The following CERS6 variants were observed in gnomAD, a reference collection of about 807,000 sequenced individuals.
CERS6 encodes the protein LAG1 homolog, ceramide synthase 6.
A neutral mutation model predicts 56.8 loss-of-function variants in CERS6; 26 were observed. That is an observed-to-expected ratio of 0.46 (90% CI 0.34 to 0.63). The LOEUF (loss-of-function observed/expected upper bound fraction) is 0.63. Among genes scored for constraint, CERS6 ranks in the 30% least tolerant of loss-of-function variants. CERS6 has a pLI of 0.01. For synonymous variants in CERS6, 164 were observed against 173.3 expected, an observed-to-expected ratio of 0.95 and a Z score of 0.42; for missense variants, 415 against 467.5, an observed-to-expected ratio of 0.89 and a Z score of 1.04.
chr2:168,707,926 A>G (rs1353212580), intron 6 of CERS6, among the ~76,000 whole-genome samples: 5 of 152,180 alleles, frequency 3.3e-5, no homozygotes, highest in Non-Finnish European at 5.9e-5. Context: ...ACAAAGCAGC[A>G]AATTATTCTG....
intron 1 of CERS6, among the ~76,000 whole-genome samples, chr2:168,459,128 C>A (rs76488561): frequency 0.055 from 8,438 of 152,224 alleles, 504 homozygotes; most frequent in African/African-American, 0.15. Context: ...AGGAATAATT[C>A]TCTCAAGATT....
chr2:168,743,071 G>A (rs1324728088), intron 8 of CERS6, among the ~76,000 whole-genome samples: 1 of 152,008 alleles, frequency 6.6e-6, no homozygotes, highest in Non-Finnish European at 1.5e-5. Context: ...TTGCTCCAGA[G>A]CCTCACACTA....
chr2:168,695,639 A>T (rs1186198334), intron 6 of CERS6, among the ~76,000 whole-genome samples: 2 of 152,080 alleles, frequency 1.3e-5, no homozygotes, highest in African/African-American at 4.8e-5. Context: ...TTTTTCTGTG[A>T]CACCATATTT....
chr2:168,618,889 T>G (rs1388812255), intron 3 of CERS6, among the ~76,000 whole-genome samples: 2 of 152,056 alleles, frequency 1.3e-5, no homozygotes, highest in Non-Finnish European at 2.9e-5. Context: ...TCCTAAAATT[T>G]ATATGGAACC....
chr2:168,678,249 G>A lies in CERS6; in HGVS notation c.466-12785G>A, dbSNP rs562923318. 4.6e-5 allele frequency among the ~76,000 whole-genome samples: 7 copies of A among 152,234 alleles called. No homozygotes were observed. The South Asian group carries it at 1.5e-3, about 32-fold the overall frequency. ...CATACCTTCCTAAATTGGATTCAGG[G>A]ACCCTCAAAAATCTGCAGATGGCCC... On this transcript the variant is annotated intron_variant, in intron 4 of 9. Transcript: ENST00000305747.
chr2:168,571,505 A>C (rs908102123), intron 3 of CERS6, among the ~76,000 whole-genome samples: 3 of 152,082 alleles, frequency 2.0e-5, no homozygotes, highest in African/African-American at 7.2e-5. Flanking sequence ...GTATCAAGCC[A>C]TTTCTCAAGT....
intron 8 of CERS6, among the ~76,000 whole-genome samples, chr2:168,729,442 T>G (rs1683455209): frequency 6.6e-6 from 1 of 152,212 alleles, no homozygotes; most frequent in African/African-American, 2.4e-5. Flanking sequence ...CTGACTTTGG[T>G]CTTGGGTCTC....
intron 2 of CERS6, among the ~76,000 whole-genome samples, chr2:168,560,575 A>G (rs1462170950): frequency 2.0e-5 from 3 of 152,200 alleles, no homozygotes; most frequent in Non-Finnish European, 4.4e-5. Flanking sequence ...GATGTGGGAT[A>G]CAGTTAAAAA....
intron 1 of CERS6, among the ~76,000 whole-genome samples, chr2:168,480,957 C>T (rs917792604): frequency 5.3e-5 from 8 of 152,136 alleles, no homozygotes; most frequent in Non-Finnish European, 8.8e-5. Flanking sequence ...ATTAGGGGCA[C>T]GCTTCTATCA....
At chr2:168,608,744 G>A (rs1684113477) in intron 3 of CERS6, among the ~76,000 whole-genome samples, 1 of 152,238 alleles carries the variant, frequency 6.6e-6, no homozygotes, top group Non-Finnish European at 1.5e-5. Flanking sequence ...AGTTTTAAGA[G>A]TTCTTTATAC....
At chr2:168,621,740 C>T (rs138053096) in intron 3 of CERS6, among the ~76,000 whole-genome samples, 1 of 152,038 alleles carries the variant, frequency 6.6e-6, no homozygotes, top group East Asian at 1.9e-4. Context: ...GACCAAAGCA[C>T]TAAAAAACAA....
chr2:168,548,243 C>G (rs1695502752), intron 2 of CERS6, among the ~76,000 whole-genome samples: 1 of 152,088 alleles, frequency 6.6e-6, no homozygotes, highest in South Asian at 2.1e-4. Flanking sequence ...GAGATAGGTT[C>G]ACTGTGGAGA....
At chr2:168,582,174 A>G (rs1195810893) in intron 3 of CERS6, among the ~76,000 whole-genome samples, 1 of 152,202 alleles carries the variant, frequency 6.6e-6, no homozygotes. Context: ...GCACACACTC[A>G]TCCTATGGAT....
intron 1 of CERS6, among the ~76,000 whole-genome samples, chr2:168,538,447 C>T (rs1040096145): frequency 2.0e-5 from 3 of 152,148 alleles, no homozygotes; most frequent in Non-Finnish European, 2.9e-5. Context: ...ATGTCCTTCC[C>T]CCACTTATCT....
At chr2:168,681,057 C>T (rs1177402559) in intron 4 of CERS6, among the ~76,000 whole-genome samples, 1 of 152,196 alleles carries the variant, frequency 6.6e-6, no homozygotes, top group East Asian at 1.9e-4. Context: ...GCATGGTAGG[C>T]ACTCAATTAA....
chr2:168,623,322 G>A (rs914565483), intron 3 of CERS6, among the ~76,000 whole-genome samples: 3 of 152,032 alleles, frequency 2.0e-5, no homozygotes, highest in Admixed American at 1.3e-4. Flanking sequence ...TACATTCCAG[G>A]GATCTAATAT....
At chr2:168,556,667 G>A (rs1558996599) in intron 2 of CERS6, among the ~76,000 whole-genome samples, 1 of 151,982 alleles carries the variant, frequency 6.6e-6, no homozygotes, top group South Asian at 2.1e-4. Context: ...TATAATCTAG[G>A]AATCAGTGAA....
At chr2:168,706,091 A>G (rs1333051917) in intron 6 of CERS6, among the ~76,000 whole-genome samples, 1 of 152,178 alleles carries the variant, frequency 6.6e-6, no homozygotes, top group Non-Finnish European at 1.5e-5. Context: ...AGTTCAATGA[A>G]TAGAAAGACA....
At chr2:168,649,486 TA>T (rs1278101647) in intron 4 of CERS6, among the ~76,000 whole-genome samples, 1 of 152,212 alleles carries the variant, frequency 6.6e-6, no homozygotes, top group African/African-American at 2.4e-5. Context: ...ATTTTTAAAA[TA>T]TTTTTAGCCT....
Sources: allele counts gnomAD v4.1 joint callset (sites outside exome capture counted in the v4.1 genomes callset), GRCh38; gene constraint gnomAD v4.1.1; transcripts MANE v1.5; gene names NCBI Gene and HGNC (gene_info 2026-07-23, HGNC 2026-07-21).